The following DGKK variants were observed in gnomAD, a reference collection of about 807,000 sequenced individuals.
The protein encoded by DGKK is 142 kDa diacylglycerol kinase.
In DGKK, 35 loss-of-function variants were observed where a neutral mutation model predicts 92.2. That is an observed-to-expected ratio of 0.38 (90% CI 0.29 to 0.50). DGKK has a LOEUF of 0.50. Among genes scored for constraint, DGKK ranks in the 20% least tolerant of loss-of-function variants. The pLI, the probability that DGKK is intolerant of heterozygous loss-of-function variation, is 0.92. For missense variants in DGKK, 910 were observed against 992.2 expected, an observed-to-expected ratio of 0.92 and a Z score of 1.11; for synonymous variants, 368 against 360.6, an observed-to-expected ratio of 1.02 and a Z score of -0.23.
chrX:50,465,854 C>A (rs1926887176), intron 1 of DGKK, among the ~76,000 whole-genome samples: 2 of 110,751 alleles, frequency 1.8e-5, no homozygotes, highest in African/African-American at 6.6e-5. Flanking sequence ...TGCCCTCCCC[C>A]ACCTGCTGCC....
rs1280562633 is a variant in DGKK, at chrX:50,470,338, G to A, written c.341C>T (p.Ala114Val). ...EPATEPAPEPAPEPATESAPE... is the reference protein window; with the variant it reads ...EPATEPAPEPVPEPATESAPE... ...GGCAGACTCTGTGGCAGGTTCTGGG[G>A]CCGGTTCTGGGGCCGGCTCTGTGGC... is the stretch of plus-strand genomic sequence containing the variant. The change falls in exon 1 of 28, where the codon GCC (alanine) becomes GTC (valine). Residue 114 changes from alanine to valine, a missense_variant. Transcript: ENST00000611977. The A allele has an allele frequency of 9.9e-6, 12 of 1,207,154 alleles. No homozygotes were observed. In the South Asian group the frequency reaches 1.1e-4, roughly 11 times the overall value.
intron 4 of DGKK, among the ~76,000 whole-genome samples, chrX:50,415,253 A>T (rs1281722746): frequency 8.9e-6 from 1 of 112,118 alleles, no homozygotes; most frequent in Non-Finnish European, 1.9e-5. Flanking sequence ...ATTGAGCCAG[A>T]GGATTACAGA....
At chrX:50,402,369 G>T (rs1925031175) in intron 7 of DGKK, among the ~76,000 whole-genome samples, 2 of 112,117 alleles carry the variant, frequency 1.8e-5, no homozygotes, top group African/African-American at 6.5e-5. Context: ...AGTGAGCTGT[G>T]ATTGTGCCAC....
intron 8 of DGKK, among the ~76,000 whole-genome samples, chrX:50,400,378 C>T (rs1241636921): frequency 1.8e-5 from 2 of 112,153 alleles, no homozygotes; most frequent in African/African-American, 3.2e-5. Context: ...TCCGCTCAAC[C>T]TCCTATAAAT....
intron 7 of DGKK, among the ~76,000 whole-genome samples, chrX:50,402,355 C>T (rs782630489): frequency 8.9e-6 from 1 of 112,022 alleles, no homozygotes; most frequent in South Asian, 3.8e-4. Flanking sequence ...GAGTTTGAGG[C>T]TGCAGTGAGC....
chrX:50,460,587 G>T (rs1393557421), intron 1 of DGKK, among the ~76,000 whole-genome samples: 1 of 111,599 alleles, frequency 9.0e-6, no homozygotes, highest in Non-Finnish European at 1.9e-5. Flanking sequence ...AACAATAAAT[G>T]CCTATAATGC....
At chrX:50,369,424 CTTTTTTTCT>C (rs1396250739) in intron 27 of DGKK, among the ~76,000 whole-genome samples, 1 of 110,817 alleles carries the variant, frequency 9.0e-6, no homozygotes, top group African/African-American at 3.3e-5. Flanking sequence ...CTGTCCCTTT[CTTTTTTTCT>C]TTTTTTTCTT....
intron 13 of DGKK, among the ~76,000 whole-genome samples, chrX:50,388,094 C>A (rs1358675726): frequency 8.9e-6 from 1 of 111,879 alleles, no homozygotes; most frequent in African/African-American, 3.3e-5. Context: ...GGGCAGGAGC[C>A]CCCTAAGAAG....
At position 50,404,291 on chromosome X, in the gene DGKK, T is replaced by G. The variant is rs934165176; in HGVS notation, c.943-107A>C. ...TCTAAAATGGCCTGCTGTATAGGTGTCAGAGCGTGTGAAGGGGAAGACTGA... is the reference window on the plus strand; with the variant it reads ...TCTAAAATGGCCTGCTGTATAGGTGGCAGAGCGTGTGAAGGGGAAGACTGA... On this transcript the variant is annotated intron_variant, in intron 4 of 27. Coordinates refer to ENST00000611977, the MANE Select transcript of DGKK (RefSeq NM_001013742.4). 3.2e-5 allele frequency: 28 copies of G among 879,697 alleles called. No homozygotes were observed. In the South Asian group the frequency reaches 8.4e-4, roughly 26 times the overall value. The allele number at this position is 879,697 out of a possible 1,213,427, so 72.5% of individuals were successfully genotyped here.
intron 14 of DGKK, 127 bp downstream of exon 14, chrX:50,387,427 G>A (rs1924574430): frequency 3.9e-6 from 2 of 518,998 alleles, no homozygotes; most frequent in Non-Finnish European, 3.2e-6. Context: ...CCTCATCAGG[G>A]AGGCTTAACA....
intron 12 of DGKK, among the ~76,000 whole-genome samples, chrX:50,388,967 G>A (rs1924619274): frequency 8.9e-6 from 1 of 111,964 alleles, no homozygotes; most frequent in South Asian, 3.8e-4. Context: ...ATTCCAGAAT[G>A]TAACTTCTTT....
In DGKK at chrX:50,403,526, T is replaced by C. The variant is rs1237518816; in HGVS notation, c.1150A>G (p.Ile384Val). 10 of 1,210,864 alleles carry C rather than the reference T, an allele frequency of 8.3e-6. No homozygotes were observed. The highest frequency in any genetic ancestry group is 1.0e-5 in the Non-Finnish European group (9 of 894,887). The stretch of plus-strand genomic sequence containing the variant: ...GCAGGCAGAAGGAGGTCATCAGTGA[T>C]AGACAATGTATTCCACTTGCAGTCT... ...SKDCKWNTLSITDDLLLPADE... is the reference protein window; with the variant it reads ...SKDCKWNTLSVTDDLLLPADE... Residue 384 changes from isoleucine (I) to valine (V), a missense_variant, in exon 6 of 28, where the codon ATC becomes GTC. Ile to Val is a conservative substitution (Grantham distance 29). Coordinates refer to ENST00000611977, the MANE Select transcript of DGKK (RefSeq NM_001013742.4).
At chrX:50,402,763 C>G (rs1418779746) in intron 7 of DGKK, among the ~76,000 whole-genome samples, 2 of 111,626 alleles carry the variant, frequency 1.8e-5, no homozygotes, top group African/African-American at 3.3e-5. Flanking sequence ...CAAAGGCAGA[C>G]TCAGAACTTA....
intron 14 of DGKK, among the ~76,000 whole-genome samples, chrX:50,387,117 G>A (rs1469110908): frequency 8.9e-6 from 1 of 111,738 alleles, no homozygotes; most frequent in Admixed American, 9.5e-5. Context: ...ATATTCTAGG[G>A]TAGTTGTGAG....
Position 50,404,519 on chromosome X carries a change from C to T in DGKK, c.943-335G>A, listed in dbSNP as rs1370922404. Among the ~76,000 whole-genome samples, 3 of 103,627 alleles carry T rather than the reference C, an allele frequency of 2.9e-5. No homozygotes were observed. In the Admixed American group the frequency reaches 3.1e-4, roughly 11 times the overall value. The allele number at this position is 103,627 out of a possible 115,157, so 90.0% of individuals were successfully genotyped here. On this transcript the variant is annotated intron_variant, in intron 4 of 27. Coordinates refer to ENST00000611977, the MANE Select transcript of DGKK (RefSeq NM_001013742.4). ...GGAGTGCAGTGTCGCAATCTCGGCT[C>T]ACTGCAACCTCCGCCTCCCGGATTC...
chrX:50,458,684 C>T (rs782364968), intron 1 of DGKK, among the ~76,000 whole-genome samples: 7 of 111,195 alleles, frequency 6.3e-5, no homozygotes, highest in Non-Finnish European at 1.3e-4. Flanking sequence ...GATTGCACAA[C>T]ATTAATCAGG....
intron 1 of DGKK, among the ~76,000 whole-genome samples, chrX:50,445,780 A>G (rs1428196336): frequency 7.2e-5 from 8 of 111,296 alleles, no homozygotes; most frequent in East Asian, 2.8e-4. Flanking sequence ...TTTTGGCTCA[A>G]TATGGATTTT....
intron 13 of DGKK, 85 bp downstream of exon 13, chrX:50,388,442 G>A: frequency 1.6e-6 from 1 of 641,563 alleles, no homozygotes; most frequent in South Asian, 2.9e-5. Flanking sequence ...TATTTTCCTT[G>A]GCCTCAACAC....
chrX:50,470,240 G>C lies in DGKK; in HGVS notation c.439C>G (p.Pro147Ala). The change falls in exon 1 of 28, where the codon CCA becomes GCA. Residue 147 changes from proline (P) to alanine (A), a missense_variant. By Grantham distance (27) the Pro-to-Ala change is conservative. Coordinates refer to ENST00000611977, the MANE Select transcript of DGKK (RefSeq NM_001013742.4). ...GGGGTCGGCTCTGGGGCCAGCTCTGGGGCAACTTCTGGAGTCAGCTCTGGG... is the reference window on the plus strand; with the variant it reads ...GGGGTCGGCTCTGGGGCCAGCTCTGCGGCAACTTCTGGAGTCAGCTCTGGG... ...PAPELTPEVA[P>A]ELAPEPTPEP... The C allele has an allele frequency of 8.3e-7, 1 of 1,210,103 alleles. No homozygotes were observed. The highest frequency in any genetic ancestry group is 1.1e-6 in the Non-Finnish European group (1 of 894,804).
Sources: gnomAD v4.1 joint callset for allele counts (sites outside exome capture counted in the v4.1 genomes callset) on GRCh38, gnomAD v4.1.1 for gene constraint, MANE v1.5 for transcripts, NCBI Gene and HGNC (gene_info 2026-07-23, HGNC 2026-07-21) for gene names.